PPP2R2B: variants seen among roughly 807,000 people sequenced by gnomAD.
PPP2R2B encodes protein phosphatase 2 regulatory subunit Bbeta, also known as serine/threonine-protein phosphatase 2A 55 kDa regulatory subunit B beta isoform.
Under a neutral mutation model 46.0 loss-of-function variants are expected in PPP2R2B, and 5 were observed. The ratio of observed to expected loss-of-function variants is 0.11; its 90% CI spans 0.06 to 0.23. The LOEUF is 0.23. PPP2R2B is among the 10% of genes least tolerant of loss of function. The probability of loss-of-function intolerance (pLI) is 1.00; values close to 1 mark genes in which losing one functional copy is unlikely to be tolerated. For missense variants in PPP2R2B, 367 were observed against 575.0 expected, an observed-to-expected ratio of 0.64 and a Z score of 3.70; for synonymous variants, 215 against 206.7, an observed-to-expected ratio of 1.04 and a Z score of -0.34.
intron 2 of PPP2R2B, among the ~76,000 whole-genome samples, chr5:146,814,665 C>A (rs184402131): frequency 6.6e-6 from 1 of 152,316 alleles, no homozygotes; most frequent in East Asian, 1.9e-4. Flanking sequence ...GGGAAAAGCA[C>A]CTCAAGTGAG....
At chr5:146,855,529 T>G (rs1039566229) in intron 2 of PPP2R2B, among the ~76,000 whole-genome samples, 1 of 152,246 alleles carries the variant, frequency 6.6e-6, no homozygotes, top group Non-Finnish European at 1.5e-5. Flanking sequence ...TTTTCTTCCC[T>G]TTTTGAACTG....
intron 5 of PPP2R2B, among the ~76,000 whole-genome samples, chr5:146,689,220 A>C (rs898104564): frequency 2.0e-5 from 3 of 152,168 alleles, no homozygotes; most frequent in Non-Finnish European, 4.4e-5. Flanking sequence ...ACACAAAATA[A>C]CTTATTGAAT....
At chr5:146,793,206 AGTT>A (rs909071665) in intron 2 of PPP2R2B, among the ~76,000 whole-genome samples, 4 of 152,178 alleles carry the variant, frequency 2.6e-5, no homozygotes, top group South Asian at 2.1e-4. Flanking sequence ...AGAAGGATGA[AGTT>A]GTTATCAACT....
chr5:146,778,978 G>C (rs1303815732), intron 2 of PPP2R2B, among the ~76,000 whole-genome samples: 1 of 152,160 alleles, frequency 6.6e-6, no homozygotes, highest in Non-Finnish European at 1.5e-5. Flanking sequence ...ATTTAATGTG[G>C]GGGATCCAGT....
rs550489396 is a variant in PPP2R2B, at chr5:146,994,700, A to G, written c.79+60965T>C. Among the ~76,000 whole-genome samples the G allele has an allele frequency of 3.3e-5, 5 of 152,208 alleles. No homozygotes were observed. The East Asian group carries it at 7.8e-4, about 24-fold the overall frequency. On this transcript the variant is annotated intron_variant, in intron 1 of 8. Transcript: ENST00000336640. Reference sequence around the variant, plus strand: ...CTGCCTCCAAGACCCGCTCTGCCCAACACTTCAGATGCTGATGTTTGGCAG... The same window carrying G: ...CTGCCTCCAAGACCCGCTCTGCCCAGCACTTCAGATGCTGATGTTTGGCAG...
Position 146,638,411 on chromosome 5 carries a change from A to AAT in PPP2R2B, c.628_629dup (p.Val211LeufsTer15), listed in dbSNP as rs1470221658. ...CCATGTTGGCTGGCTTAATGTCCAC[A>AAT]ATATCTGGCACAGACGAGTCAAGGA... On this transcript the variant is annotated frameshift_variant, in exon 7 of 10. Transcript: ENST00000394411. LOFTEE classifies it high-confidence loss of function. The AAT allele has an allele frequency of 6.2e-7, 1 of 1,606,542 alleles. No individual in the cohort carries two copies. The highest frequency in any genetic ancestry group is 1.7e-5 in the Admixed American group (1 of 59,896).
At chr5:147,048,584 C>T (rs1227551002) in intron 1 of PPP2R2B, among the ~76,000 whole-genome samples, 2 of 152,012 alleles carry the variant, frequency 1.3e-5, no homozygotes, top group Non-Finnish European at 2.9e-5. Context: ...AATATGATGC[C>T]CCATTCATTG....
chr5:146,794,143 T>A (rs1756378306), intron 2 of PPP2R2B, among the ~76,000 whole-genome samples: 1 of 152,230 alleles, frequency 6.6e-6, no homozygotes, highest in South Asian at 2.1e-4. Flanking sequence ...CAAGTAGGAT[T>A]GTGACTGAAG....
Position 147,023,079 on chromosome 5 carries a change from T to C in PPP2R2B, c.79+32586A>G, listed in dbSNP as rs556916859. ...TTTTTTAAAAAAGAATAACAATGAA[T>C]TGTATTATGCCATATGTACATATAT... On this transcript the variant is annotated intron_variant, in intron 1 of 8. Transcript: ENST00000336640. Among the ~76,000 whole-genome samples, 19 of 152,248 alleles carry C rather than the reference T, an allele frequency of 1.2e-4. No individual in the cohort carries two copies. The South Asian group carries it at 3.9e-3, about 32-fold the overall frequency.
intron 3 of PPP2R2B, among the ~76,000 whole-genome samples, chr5:146,699,380 C>A (rs939684858): frequency 5.3e-5 from 8 of 152,150 alleles, no homozygotes; most frequent in Non-Finnish European, 1.0e-4. Flanking sequence ...TCATTTTAAT[C>A]CCAAGACTGG....
At chr5:146,732,633 C>T (rs1314063719) in intron 2 of PPP2R2B, among the ~76,000 whole-genome samples, 1 of 152,124 alleles carries the variant, frequency 6.6e-6, no homozygotes, top group Non-Finnish European at 1.5e-5. Context: ...AGCACTGTCA[C>T]CATCAGACTA....
intron 1 of PPP2R2B, among the ~76,000 whole-genome samples, chr5:146,925,811 G>A (rs976046169): frequency 6.6e-6 from 1 of 151,984 alleles, no homozygotes; most frequent in Non-Finnish European, 1.5e-5. Flanking sequence ...AGGTTTTTGA[G>A]GGCCTGTTAA....
chr5:146,803,374 C>T (rs934606135), intron 2 of PPP2R2B, among the ~76,000 whole-genome samples: 8 of 152,098 alleles, frequency 5.3e-5, no homozygotes, highest in African/African-American at 1.9e-4. Flanking sequence ...AACTTTAGTA[C>T]AATTTAGACA....
At chr5:146,840,805 A>G (rs967834054) in intron 2 of PPP2R2B, among the ~76,000 whole-genome samples, 1 of 152,230 alleles carries the variant, frequency 6.6e-6, no homozygotes, top group African/African-American at 2.4e-5. Flanking sequence ...GCTCATTCTA[A>G]AACAATCTAT....
intron 1 of PPP2R2B, among the ~76,000 whole-genome samples, chr5:146,908,832 T>C (rs866901415): frequency 1.3e-5 from 2 of 151,454 alleles, no homozygotes; most frequent in Non-Finnish European, 2.9e-5. Context: ...CCCAGGGTTT[T>C]GCTATGTTGC....
At chr5:146,816,578 A>G (rs1757945951) in intron 2 of PPP2R2B, among the ~76,000 whole-genome samples, 1 of 152,250 alleles carries the variant, frequency 6.6e-6, no homozygotes, top group Admixed American at 6.5e-5. Flanking sequence ...TGATGCATTC[A>G]ACATGATTTC....
At chr5:147,039,709 G>A (rs1479319423) in intron 1 of PPP2R2B, among the ~76,000 whole-genome samples, 1 of 152,102 alleles carries the variant, frequency 6.6e-6, no homozygotes, top group African/African-American at 2.4e-5. Flanking sequence ...GAATCTGCTT[G>A]TTCATGTCTT....
chr5:146,678,618 T>C (rs1354443027), intron 5 of PPP2R2B, among the ~76,000 whole-genome samples: 2 of 142,990 alleles, frequency 1.4e-5, no homozygotes, highest in East Asian at 2.1e-4. Flanking sequence ...TGTTTGCAGA[T>C]GACATGATTG....
chr5:146,835,381 C>T (rs149462594), intron 2 of PPP2R2B, among the ~76,000 whole-genome samples: 349 of 152,092 alleles, frequency 2.3e-3, no homozygotes, highest in African/African-American at 7.9e-3. Flanking sequence ...TTTCCCAATC[C>T]ACCACTTTAT....
Sources: gnomAD v4.1 joint callset for allele counts (sites outside exome capture counted in the v4.1 genomes callset) on GRCh38, gnomAD v4.1.1 for gene constraint, MANE v1.5 for transcripts, NCBI Gene and HGNC (gene_info 2026-07-23, HGNC 2026-07-21) for gene names.